Variants in CBFA2T2 observed in about 807,000 individuals in gnomAD.
CBFA2T2 encodes CBFA2/RUNX1 partner transcriptional co-repressor 2.
Under a neutral mutation model 62.2 loss-of-function variants are expected in CBFA2T2, and 11 were observed. That is an observed-to-expected ratio of 0.18 (90% CI 0.11 to 0.29). The LOEUF (loss-of-function observed/expected upper bound fraction) is 0.29. CBFA2T2 is among the 10% of genes least tolerant of loss of function. The probability of loss-of-function intolerance (pLI) is 1.00; values close to 1 mark genes in which losing one functional copy is unlikely to be tolerated. For missense variants in CBFA2T2, 592 were observed against 774.1 expected (o/e 0.76, Z 2.79); for synonymous variants, 295 against 287.5 (o/e 1.03, Z -0.27).
In CBFA2T2 at chr20:33,611,347, C is replaced by A; in HGVS notation, c.420+12C>A. Reference sequence around the variant, plus strand: ...TTCTTGCACTGGTGGTAAGTACAGCCTCACTGTTGTTCTCAGCTGCCTGAG... The same window carrying A: ...TTCTTGCACTGGTGGTAAGTACAGCATCACTGTTGTTCTCAGCTGCCTGAG... On this transcript the variant is annotated intron_variant, in intron 3 of 10. Coordinates refer to ENST00000342704, the MANE Select transcript of CBFA2T2 (RefSeq NM_001032999.3). 6.2e-7 allele frequency: 1 copy of A among 1,611,814 alleles called. No homozygotes were observed. Among genetic ancestry groups the A allele is most frequent in the East Asian group, 2.2e-5 (1 of 44,808 alleles).
chr20:33,517,079 C>T (rs1568795704), intron 1 of CBFA2T2, among the ~76,000 whole-genome samples: 1 of 152,162 alleles, frequency 6.6e-6, no homozygotes, highest in Non-Finnish European at 1.5e-5. Context: ...TGCCAAGCAC[C>T]ATTCACATCC....
intron 8 of CBFA2T2, among the ~76,000 whole-genome samples, chr20:33,634,363 A>G (rs112256919): frequency 2.0e-5 from 3 of 152,216 alleles, no homozygotes; most frequent in African/African-American, 7.2e-5. Flanking sequence ...GGATGTTATG[A>G]TTCTGAGACC....
rs532310644 is a variant in CBFA2T2, at chr20:33,619,151, G to C, written c.421-366G>C. 1.8e-3 allele frequency among the ~76,000 whole-genome samples: 280 copies of C among 152,314 alleles called. 1 individual carries two copies. The highest frequency in any genetic ancestry group is 6.0e-3 in the African/African-American group (248 of 41,564). On this transcript the variant is annotated intron_variant, in intron 3 of 10. Coordinates refer to ENST00000342704, the MANE Select transcript of CBFA2T2 (RefSeq NM_001032999.3). Reference sequence around the variant, plus strand: ...ACACTTTGGAAGGCTGAGGGAGGAAGATAGCTTGAGCTCAGGAGTTCAGGA... The same window carrying C: ...ACACTTTGGAAGGCTGAGGGAGGAACATAGCTTGAGCTCAGGAGTTCAGGA...
intron 1 of CBFA2T2, among the ~76,000 whole-genome samples, chr20:33,575,712 G>C (rs2013790348): frequency 1.3e-5 from 2 of 152,064 alleles, no homozygotes; most frequent in Non-Finnish European, 2.9e-5. Context: ...GGAACTCACA[G>C]ACAGACAGGC....
intron 1 of CBFA2T2, chr20:33,573,936 A>G (rs890166565): frequency 7.8e-5 from 29 of 372,190 alleles, no homozygotes; most frequent in Middle Eastern, 1.8e-3. Flanking sequence ...ATTTGCCACC[A>G]TACCTGGCTA....
Position 33,490,151 on chromosome 20 carries a change from T to C in CBFA2T2, c.-117T>C. ...GGTGGTGTCTGGTTAGCTCGGCGGC[T>C]GCAGATCTCGCGGCGACGCCTGCGA... On this transcript the variant is annotated 5_prime_UTR_variant, in exon 1 of 11. Coordinates refer to ENST00000342704, the MANE Select transcript of CBFA2T2 (RefSeq NM_001032999.3). 2 of 1,057,456 alleles carry C rather than the reference T, an allele frequency of 1.9e-6. No individual in the cohort carries two copies. The highest frequency in any genetic ancestry group is 2.4e-6 in the Non-Finnish European group (2 of 843,382). 65.5% of individuals were successfully genotyped at this position (1,057,456 alleles called of 1,614,324 possible).
chr20:33,591,467 C>CAA (rs11475752), intron 1 of CBFA2T2, among the ~76,000 whole-genome samples: 36 of 98,084 alleles, frequency 3.7e-4, no homozygotes, highest in African/African-American at 6.5e-4. Flanking sequence ...GAGTAAATCT[C>CAA]AAAAAAAAAA....
At chr20:33,596,144 GT>G (rs1373609145) in intron 1 of CBFA2T2, among the ~76,000 whole-genome samples, 1 of 152,200 alleles carries the variant, frequency 6.6e-6, no homozygotes, top group Non-Finnish European at 1.5e-5. Flanking sequence ...TGTATATTCT[GT>G]TTCAGCTAAG....
intron 1 of CBFA2T2, among the ~76,000 whole-genome samples, chr20:33,572,264 A>G (rs2013604892): frequency 6.6e-6 from 1 of 152,230 alleles, no homozygotes; most frequent in Non-Finnish European, 1.5e-5. Context: ...CCTAACTCTT[A>G]GCATTTACAC....
intron 1 of CBFA2T2, among the ~76,000 whole-genome samples, chr20:33,535,545 C>A (rs2012180735): frequency 6.7e-6 from 1 of 150,360 alleles, no homozygotes; most frequent in African/African-American, 2.5e-5. Context: ...CTGGGGTCTG[C>A]AGGAGAAGGC....
chr20:33,644,538 G>T lies in CBFA2T2; in HGVS notation c.1680G>T (p.Arg560Ser). The change falls in exon 11 of 11, where the codon AGG (arginine) becomes AGT (serine). Residue 560 changes from arginine (R) to serine (S), a missense_variant. By Grantham distance (110) the Arg-to-Ser change is moderately radical. This residue lies in a region of CBFA2T2 where 85 missense variants were observed against 99.0 expected (regional missense o/e 0.86). Transcript: ENST00000342704. Reference sequence around the variant, plus strand: ...CTGTAGGCAGGGGCTCCTCTGCCAGGTCCGCCGACTGCAGCGTGCCCAGCC... The same window carrying T: ...CTGTAGGCAGGGGCTCCTCTGCCAGTTCCGCCGACTGCAGCGTGCCCAGCC... ...LLPVGRGSSA[R>S]SADCSVPSPA... 1 of 1,614,004 alleles carries T rather than the reference G, an allele frequency of 6.2e-7. No individual in the cohort carries two copies. The highest frequency in any genetic ancestry group is 8.5e-7 in the Non-Finnish European group (1 of 1,179,970).
At chr20:33,505,133 C>G (rs2011379585) in intron 1 of CBFA2T2, among the ~76,000 whole-genome samples, 1 of 152,142 alleles carries the variant, frequency 6.6e-6, no homozygotes, top group Non-Finnish European at 1.5e-5. Flanking sequence ...GATTTACTCA[C>G]TGTCACACGG....
intron 8 of CBFA2T2, among the ~76,000 whole-genome samples, chr20:33,630,403 A>C (rs2016405317): frequency 6.6e-6 from 1 of 151,994 alleles, no homozygotes; most frequent in African/African-American, 2.4e-5. Context: ...TGTACTAGGC[A>C]CTCTTGTGTC....
At chr20:33,581,057 T>C (rs2014090448) in intron 1 of CBFA2T2, among the ~76,000 whole-genome samples, 1 of 150,840 alleles carries the variant, frequency 6.6e-6, no homozygotes, top group African/African-American at 2.4e-5. Context: ...CGTCCCTCCT[T>C]CTTTCCTTCT....
chr20:33,570,308 T>C (rs2013501750), intron 1 of CBFA2T2, among the ~76,000 whole-genome samples: 1 of 151,940 alleles, frequency 6.6e-6, no homozygotes, highest in South Asian at 2.1e-4. Flanking sequence ...AAAAAGATAC[T>C]AGAATTTGAA....
intron 1 of CBFA2T2, among the ~76,000 whole-genome samples, chr20:33,599,787 T>C (rs1374199763): frequency 6.6e-6 from 1 of 152,084 alleles, no homozygotes; most frequent in African/African-American, 2.4e-5. Flanking sequence ...AGAAACGGGG[T>C]TTCACCATGT....
chr20:33,502,030 T>C (rs1377438971), intron 1 of CBFA2T2, among the ~76,000 whole-genome samples: 1 of 152,188 alleles, frequency 6.6e-6, no homozygotes, highest in African/African-American at 2.4e-5. Flanking sequence ...GCTCAAGTTA[T>C]TCTCCCACCT....
At position 33,630,079 on chromosome 20, in the gene CBFA2T2, GC is replaced by G. The variant is rs2016393809; in HGVS notation, c.1228+169del. 4.6e-5 allele frequency among the ~76,000 whole-genome samples: 7 copies of G among 152,080 alleles called. No homozygotes were observed. The South Asian group carries it at 1.5e-3, about 32-fold the overall frequency. Reference sequence around the variant, plus strand: ...AAAAGTAAATGAGAAAATATATGAAGCCCCTGGCATGTTTTGGTGGGTGGCG... The same window carrying G: ...AAAAGTAAATGAGAAAATATATGAAGCCCTGGCATGTTTTGGTGGGTGGCG... On this transcript the variant is annotated intron_variant, in intron 8 of 10. Transcript: ENST00000342704.
At chr20:33,583,746 A>G (rs2014223324) in intron 1 of CBFA2T2, among the ~76,000 whole-genome samples, 1 of 152,198 alleles carries the variant, frequency 6.6e-6, no homozygotes, top group Middle Eastern at 3.4e-3. Context: ...TATATTATGC[A>G]TTCATCCTCA....
Sources: allele counts gnomAD v4.1 joint callset (sites outside exome capture counted in the v4.1 genomes callset), GRCh38; gene constraint gnomAD v4.1.1; regional missense constraint gnomAD v4.1.1; transcripts MANE v1.5; gene names NCBI Gene and HGNC (gene_info 2026-07-23, HGNC 2026-07-21).